RBP5: variants seen among roughly 807,000 people sequenced by gnomAD.
The protein encoded by RBP5 is retinol-binding protein 5.
RBP5 carries 12 observed loss-of-function variants against 17.8 expected under a neutral mutation model. The observed-to-expected ratio is 0.67, with a 90% CI of 0.43 to 1.09. The LOEUF is 1.09. Ranked by LOEUF, RBP5 falls within the 50% of genes least tolerant of loss-of-function variation. RBP5 has a pLI of 0.00. For synonymous variants in RBP5, 64 were observed against 68.1 expected (o/e 0.94, Z 0.30); for missense variants, 172 against 169.4 (o/e 1.02, Z -0.09).
At position 7,124,535 on chromosome 12, in the gene RBP5, TG is replaced by T; in HGVS notation, c.354+93del. On this transcript the variant is annotated intron_variant, in intron 3 of 3. Coordinates refer to ENST00000266560, the MANE Select transcript of RBP5 (RefSeq NM_031491.4). The surrounding 1 kb of genome is among the most constrained non-coding windows in gnomAD (Gnocchi z 5.3). ...CCTTGGATAGGGATTGGGGCTGGGCTGGGGGAAGAGTGGTGGACCTATCTGG... is the reference window on the plus strand; with the variant it reads ...CCTTGGATAGGGATTGGGGCTGGGCTGGGGAAGAGTGGTGGACCTATCTGG... 2 of 743,236 alleles carry T rather than the reference TG, an allele frequency of 2.7e-6. No individual in the cohort carries two copies. Among genetic ancestry groups the T allele is most frequent in the Non-Finnish European group, 2.4e-6 (1 of 417,140 alleles). The allele number at this position is 743,236 out of a possible 1,614,324, so 46.0% of individuals were successfully genotyped here. A position where few individuals can be genotyped will look rare whatever the true frequency, so the allele number is the denominator to read the frequency against.
rs1565645359 is a variant in RBP5, at chr12:7,126,517, GTGTGTGTGT to G, written c.252+1714_252+1722del. Among the ~76,000 whole-genome samples, 114 of 88,438 alleles carry G rather than the reference GTGTGTGTGT, an allele frequency of 1.3e-3. 1 individual carries two copies. Among genetic ancestry groups the G allele is most frequent in the Middle Eastern group, 5.2e-3 (1 of 192 alleles). 58.0% of individuals were successfully genotyped at this position (88,438 alleles called of 152,430 possible). ...GGTGGTGGTGGTGGTGGTGGTGTGTGTGTGTGTGTGTGTGTGTGTGTGTGTGTGTGTGTG... is the reference window on the plus strand; with the variant it reads ...GGTGGTGGTGGTGGTGGTGGTGTGTGGTGTGTGTGTGTGTGTGTGTGTGTG... On this transcript the variant is annotated intron_variant, in intron 2 of 3. Coordinates refer to ENST00000266560, the MANE Select transcript of RBP5 (RefSeq NM_031491.4).
At chr12:7,121,323 A>C (rs1939079090), downstream of RBP5, among the ~76,000 whole-genome samples, 1 of 152,104 alleles carries the variant, frequency 6.6e-6, no homozygotes, top group African/African-American at 2.4e-5. Context: ...GGATCTTGAG[A>C]TCTGTGGTGG....
upstream of RBP5, chr12:7,128,985 G>C (rs1005026695): frequency 1.1e-4 from 59 of 550,410 alleles, 2 homozygotes; most frequent in South Asian, 1.1e-3. This position sits in a 1 kb window ranked among gnomAD's most constrained non-coding sequence, Gnocchi z 5.3. Flanking sequence ...GGTGAGTTTG[G>C]GGGTGGTGTC....
At chr12:7,118,725 A>G (rs1388176047), downstream of RBP5, 1 of 152,274 alleles carries the variant, frequency 6.6e-6, no homozygotes, top group African/African-American at 2.4e-5. Context: ...GTGTGGGCAC[A>G]TACTGAGGCA....
At chr12:7,126,489 TGTGGTG>T (rs71450185) in intron 2 of RBP5, among the ~76,000 whole-genome samples, 1 of 116,074 alleles carries the variant, frequency 8.6e-6, no homozygotes, top group Admixed American at 8.3e-5. Context: ...GCCGATTAGA[TGTGGTG>T]GTGGTGGTGG....
In RBP5 at chr12:7,123,829, G is replaced by A; in HGVS notation, c.*292C>T. On this transcript the variant is annotated 3_prime_UTR_variant, in exon 4 of 4. Coordinates refer to ENST00000266560, the MANE Select transcript of RBP5 (RefSeq NM_031491.4). ...GAAGAGGTCAAATGGACAGGAGAGA[G>A]CGGAGATTGGTTGTTCTCAGGGGCT... 1 of 410,748 alleles carries A rather than the reference G, an allele frequency of 2.4e-6. No individual in the cohort carries two copies. Among genetic ancestry groups the A allele is most frequent in the East Asian group, 3.9e-5 (1 of 25,518 alleles). The allele number at this position is 410,748 out of a possible 1,614,324, so 25.4% of individuals were successfully genotyped here.
At chr12:7,116,035 T>A (rs1296729980) in exon 4 of RBP5, 2 of 152,146 alleles carry the variant, frequency 1.3e-5, no homozygotes, top group African/African-American at 4.8e-5. Flanking sequence ...GGATTACAAT[T>A]CCACATGAGA....
At chr12:7,127,838 G>C (rs1939200648) in intron 2 of RBP5, 3 of 641,834 alleles carry the variant, frequency 4.7e-6, no homozygotes, top group Admixed American at 2.5e-5. Flanking sequence ...ATTAATAGGA[G>C]GACTAGGATC....
downstream of RBP5, among the ~76,000 whole-genome samples, chr12:7,119,961 T>C (rs1050926007): frequency 6.6e-6 from 1 of 152,172 alleles, no homozygotes. Context: ...CTCTAGAGCC[T>C]CTGAGGCAAG....
At chr12:7,129,570 C>T, upstream of RBP5, 3 of 974,826 alleles carry the variant, frequency 3.1e-6, no homozygotes, top group Non-Finnish European at 3.7e-6. This position sits in a 1 kb window ranked among gnomAD's most constrained non-coding sequence, Gnocchi z 5.5. Context: ...TTTTCTCTCC[C>T]TCTGAGTCAT....
Position 7,123,876 on chromosome 12 carries a change from T to G in RBP5, c.*245A>C. The G allele has an allele frequency of 2.1e-6, 1 of 485,996 alleles. No homozygotes were observed. Among genetic ancestry groups the G allele is most frequent in the Non-Finnish European group, 3.7e-6 (1 of 269,268 alleles). The allele number at this position is 485,996 out of a possible 1,614,324, so 30.1% of individuals were successfully genotyped here. A position where few individuals can be genotyped will look rare whatever the true frequency, so the allele number is the denominator to read the frequency against. ...GGCTCCTTCCCTTTGCCTGCTTCTT[T>G]CATTTGGGACGCCAGACCTTGACCT... is the stretch of plus-strand genomic sequence containing the variant. On this transcript the variant is annotated 3_prime_UTR_variant, in exon 4 of 4. Coordinates refer to ENST00000266560, the MANE Select transcript of RBP5 (RefSeq NM_031491.4).
downstream of RBP5, among the ~76,000 whole-genome samples, chr12:7,123,391 C>A (rs1939108253): frequency 1.3e-5 from 2 of 152,214 alleles, no homozygotes; most frequent in South Asian, 4.1e-4. Flanking sequence ...CCGTCTACTT[C>A]CTTTTTCAGC....
chr12:7,124,843 C>T lies in RBP5; in HGVS notation c.253-113G>A. The T allele has an allele frequency of 1.5e-6, 1 of 665,358 alleles. No individual in the cohort carries two copies. Among genetic ancestry groups the T allele is most frequent in the Non-Finnish European group, 2.8e-6 (1 of 362,644 alleles). 41.2% of individuals were successfully genotyped at this position (665,358 alleles called of 1,614,324 possible). Reference sequence around the variant, plus strand: ...ACTCCACAGCAGATACTGTCTGCTGCAGCCCCTCCACTGAGCGAGGGAGCT... The same window carrying T: ...ACTCCACAGCAGATACTGTCTGCTGTAGCCCCTCCACTGAGCGAGGGAGCT... On this transcript the variant is annotated intron_variant, in intron 2 of 3. Coordinates refer to ENST00000266560, the MANE Select transcript of RBP5 (RefSeq NM_031491.4). The surrounding 1 kb of genome is among the most constrained non-coding windows in gnomAD (Gnocchi z 5.3).
At chr12:7,120,504 A>T (rs1351074270), downstream of RBP5, 1 of 155,530 alleles carries the variant, frequency 6.4e-6, no homozygotes, top group African/African-American at 2.4e-5. Context: ...AGTCCTTCAC[A>T]GGGCGCCTGG....
chr12:7,119,194 T>C (rs1282324800), downstream of RBP5, among the ~76,000 whole-genome samples: 2 of 22,548 alleles, frequency 8.9e-5, no homozygotes, highest in Admixed American at 4.8e-4. Context: ...GTACGTACTG[T>C]GGGGGATGGG....
intron 2 of RBP5, among the ~76,000 whole-genome samples, chr12:7,125,744 G>A (rs746115071): frequency 2.9e-3 from 438 of 152,308 alleles, no homozygotes; most frequent in African/African-American, 0.01. Context: ...GTTCTGAAGG[G>A]CTCTAACCTA....
rs1392723578 is a variant in RBP5, at chr12:7,117,312, T to A, written n.890-5A>T. 1 of 152,134 alleles carries A rather than the reference T, an allele frequency of 6.6e-6. No individual in the cohort carries two copies. Among genetic ancestry groups the A allele is most frequent in the Non-Finnish European group, 1.5e-5 (1 of 68,014 alleles). The allele number at this position is 152,134 out of a possible 1,614,324, so 9.4% of individuals were successfully genotyped here. ...TCCATTGGTCACACAGACAACCCGA[T>A]GTGGAAGGAGACATCACAAGGACAG... On this transcript the variant is annotated splice_polypyrimidine_tract_variant and splice_region_variant and intron_variant and non_coding_transcript_variant, in intron 3 of 3. Transcript: ENST00000619522. The surrounding 1 kb of genome is among the most constrained non-coding windows in gnomAD (Gnocchi z 4.9).
chr12:7,118,297 G>T (rs763000993), intron 3 of RBP5: 1 of 152,292 alleles, frequency 6.6e-6, no homozygotes, highest in South Asian at 2.1e-4. Context: ...AGCCTCTTCC[G>T]AAAACAGCCG....
chr12:7,123,341 C>T (rs1406348496), downstream of RBP5, among the ~76,000 whole-genome samples: 1 of 152,230 alleles, frequency 6.6e-6, no homozygotes, highest in East Asian at 1.9e-4. Flanking sequence ...TGCCTTCACA[C>T]CCCTGTATTA....
Sources: gnomAD v4.1 joint callset for allele counts (sites outside exome capture counted in the v4.1 genomes callset) on GRCh38, gnomAD v4.1.1 for gene constraint, Gnocchi (gnomAD v3.1) non-coding constraint, MANE v1.5 for transcripts, NCBI Gene and HGNC (gene_info 2026-07-23, HGNC 2026-07-21) for gene names.